LCMT1: variants seen among roughly 807,000 people sequenced by gnomAD.
LCMT1 encodes the protein [Phosphatase 2A protein]-leucine-carboxy methyltransferase 1.
LCMT1 carries 32 observed loss-of-function variants against 47.7 expected under a neutral mutation model. The ratio of observed to expected loss-of-function variants is 0.67; its 90% confidence interval spans 0.51 to 0.90. The LOEUF (loss-of-function observed/expected upper bound fraction) is 0.90, where lower values mean the gene tolerates loss of function less well. Among genes scored for constraint, LCMT1 ranks in the 40% least tolerant of loss-of-function variants. The pLI, the probability that LCMT1 is intolerant of heterozygous loss-of-function variation, is 0.00. For synonymous variants in LCMT1, 152 were observed against 149.7 expected (o/e 1.02, Z -0.11); for missense variants, 375 against 415.2 (o/e 0.90, Z 0.84).
intron 2 of LCMT1, among the ~76,000 whole-genome samples, chr16:25,129,920 A>G (rs1960299605): frequency 6.6e-6 from 1 of 152,130 alleles, no homozygotes; most frequent in African/African-American, 2.4e-5. Flanking sequence ...GGTCTTTTAC[A>G]GCTTTGTTGA....
At chr16:25,125,840 A>AATG (rs1195862391) in intron 1 of LCMT1, 1 of 70,112 alleles carries the variant, frequency 1.4e-5, no homozygotes, top group Non-Finnish European at 2.9e-5. Context: ...CTCTAATAGT[A>AATG]ATAATAATAA....
chr16:25,125,789 G>A (rs1014090846), intron 1 of LCMT1, among the ~76,000 whole-genome samples: 16 of 151,636 alleles, frequency 1.1e-4, no homozygotes, highest in African/African-American at 2.9e-4. Context: ...CCGAGATCAC[G>A]CCATTGCACT....
At position 25,164,861 on chromosome 16, in the gene LCMT1, A is replaced by G. The variant is rs559442959; in HGVS notation, c.690+143A>G. 9.4e-4 allele frequency: 1,005 copies of G among 1,072,536 alleles called. 1 individual carries two copies. Among genetic ancestry groups the G allele is most frequent in the Non-Finnish European group, 1.2e-3 (869 of 721,208 alleles). 66.4% of individuals were successfully genotyped at this position (1,072,536 alleles called of 1,614,324 possible). Reference sequence around the variant, plus strand: ...TATCTCCTTTATTCACCAACCAGCAATCTTAGTACTCCTGACCTCTTGACC... The same window carrying G: ...TATCTCCTTTATTCACCAACCAGCAGTCTTAGTACTCCTGACCTCTTGACC... On this transcript the variant is annotated intron_variant, in intron 7 of 10. Transcript: ENST00000399069.
intron 4 of LCMT1, among the ~76,000 whole-genome samples, chr16:25,149,246 A>AT (rs1218408226): frequency 3.3e-5 from 5 of 152,010 alleles, no homozygotes; most frequent in Non-Finnish European, 5.9e-5. Context: ...TTTGTGACTT[A>AT]TTTTTTTTAA....
At chr16:25,140,365 C>T (rs1960648068) in intron 4 of LCMT1, 118 bp downstream of exon 4, 2 of 745,024 alleles carry the variant, frequency 2.7e-6, no homozygotes, top group Admixed American at 2.5e-5. Context: ...CGTTCACTGC[C>T]CCCCACCAAC....
At chr16:25,137,304 G>A (rs1176816098) in intron 3 of LCMT1, among the ~76,000 whole-genome samples, 2 of 152,094 alleles carry the variant, frequency 1.3e-5, no homozygotes, top group African/African-American at 4.8e-5. Flanking sequence ...AAAGTGCTGG[G>A]ATTACAGGCG....
At chr16:25,176,209 C>T (rs1417123575) in intron 10 of LCMT1, among the ~76,000 whole-genome samples, 1 of 152,140 alleles carries the variant, frequency 6.6e-6, no homozygotes, top group Non-Finnish European at 1.5e-5. Context: ...TCAGCTGCCC[C>T]CTGCTGGGCT....
chr16:25,170,062 A>G (rs1163502197), intron 8 of LCMT1, among the ~76,000 whole-genome samples: 1 of 152,070 alleles, frequency 6.6e-6, no homozygotes, highest in Non-Finnish European at 1.5e-5. Flanking sequence ...TCTACTAAAA[A>G]TACAAAAATT....
intron 1 of LCMT1, among the ~76,000 whole-genome samples, chr16:25,120,972 C>T (rs1386440271): frequency 2.2e-5 from 3 of 137,766 alleles, no homozygotes; most frequent in Non-Finnish European, 3.1e-5. Flanking sequence ...GTTGCCTAGA[C>T]TGGTCTCAAA....
At chr16:25,151,707 G>T in intron 5 of LCMT1, 92 bp downstream of exon 5, 1 of 765,212 alleles carries the variant, frequency 1.3e-6, no homozygotes, top group Non-Finnish European at 2.2e-6. Context: ...GTGTGTGTGT[G>T]TGTGTGTGTG....
chr16:25,166,473 G>A (rs967149552), intron 7 of LCMT1, among the ~76,000 whole-genome samples: 90 of 152,000 alleles, frequency 5.9e-4, no homozygotes, highest in Non-Finnish European at 1.1e-3. Context: ...GGGGATCATG[G>A]CTTACTGCAG....
intron 3 of LCMT1, among the ~76,000 whole-genome samples, chr16:25,133,502 G>A (rs1359503261): frequency 1.4e-5 from 2 of 143,632 alleles, no homozygotes; most frequent in Non-Finnish European, 3.0e-5. Context: ...GGGTTCAAGC[G>A]ATTCTCCTGC....
Position 25,174,897 on chromosome 16 carries a change from T to G in LCMT1, c.885-40T>G, listed in dbSNP as rs141467476. 623 of 1,079,920 alleles carry G rather than the reference T, an allele frequency of 5.8e-4. 2 individuals carry two copies. Among genetic ancestry groups the G allele is most frequent in the Non-Finnish European group, 7.8e-4 (572 of 735,834 alleles). The allele number at this position is 1,079,920 out of a possible 1,614,324, so 66.9% of individuals were successfully genotyped here. A position where few individuals can be genotyped will look rare whatever the true frequency, so the allele number is the denominator to read the frequency against. On this transcript the variant is annotated intron_variant, in intron 9 of 10. Coordinates refer to ENST00000399069, the MANE Select transcript of LCMT1 (RefSeq NM_016309.3). ...TATGGGCCATGATCTTCATTTTCAATGCAGACACTTGCATCGTTCTATTTT... is the reference window on the plus strand; with the variant it reads ...TATGGGCCATGATCTTCATTTTCAAGGCAGACACTTGCATCGTTCTATTTT...
At chr16:25,112,842 G>A (rs1358585218) in intron 1 of LCMT1, among the ~76,000 whole-genome samples, 1 of 152,056 alleles carries the variant, frequency 6.6e-6, no homozygotes, top group African/African-American at 2.4e-5. Flanking sequence ...TTTTGTCAGT[G>A]ATGTTTAAGG....
intron 1 of LCMT1, among the ~76,000 whole-genome samples, chr16:25,113,354 TC>T (rs1032403020): frequency 1.3e-5 from 2 of 152,282 alleles, no homozygotes; most frequent in African/African-American, 4.8e-5. Context: ...GACTAAACTT[TC>T]AGAGCATGGA....
At chr16:25,121,034 T>G (rs1282196470) in intron 1 of LCMT1, among the ~76,000 whole-genome samples, 2 of 151,542 alleles carry the variant, frequency 1.3e-5, no homozygotes, top group Non-Finnish European at 2.9e-5. Flanking sequence ...GTGCTAGGAT[T>G]ATAGGCATGA....
chr16:25,113,014 G>A (rs1263388037), intron 1 of LCMT1, among the ~76,000 whole-genome samples: 3 of 151,830 alleles, frequency 2.0e-5, no homozygotes, highest in Non-Finnish European at 4.4e-5. Context: ...GGTGGCGGGC[G>A]CCTGTAATCC....
At position 25,157,428 on chromosome 16, in the gene LCMT1, G is replaced by A. The variant is rs955699473; in HGVS notation, c.467-3674G>A. Among the ~76,000 whole-genome samples, 4 of 152,038 alleles carry A rather than the reference G, an allele frequency of 2.6e-5. No individual in the cohort carries two copies. In the East Asian group the frequency reaches 5.8e-4, roughly 22 times the overall value. On this transcript the variant is annotated intron_variant, in intron 5 of 10. Transcript: ENST00000399069. ...AAATTAGCCAGGCATGGTGGTGCAC[G>A]TCTGTGGTCCCAGCTACACAGGAAG...
intron 8 of LCMT1, 84 bp downstream of exon 8, chr16:25,169,297 G>T (rs1391410588): frequency 4.5e-6 from 4 of 898,714 alleles, no homozygotes; most frequent in Non-Finnish European, 7.4e-6. Context: ...ATGTGATCAT[G>T]GAGAAGCCCT....
Sources: gnomAD v4.1 joint callset for allele counts (sites outside exome capture counted in the v4.1 genomes callset) on GRCh38, gnomAD v4.1.1 for gene constraint, MANE v1.5 for transcripts, NCBI Gene and HGNC (gene_info 2026-07-23, HGNC 2026-07-21) for gene names.